The following MPP7 variants were observed in gnomAD, a reference collection of about 807,000 sequenced individuals.
MPP7 encodes MAGUK p55 subfamily member 7.
MPP7 carries 60 observed loss-of-function variants against 76.5 expected under a neutral mutation model. The observed-to-expected ratio is 0.78, with a 90% CI of 0.64 to 0.97. The LOEUF (loss-of-function observed/expected upper bound fraction) is 0.97. Ranked by LOEUF, MPP7 falls within the 50% of genes least tolerant of loss-of-function variation. MPP7 has a pLI of 0.00. For missense variants in MPP7, 641 were observed against 694.0 expected (o/e 0.92, Z 0.86); for synonymous variants, 237 against 244.5 (o/e 0.97, Z 0.29).
intron 2 of MPP7, among the ~76,000 whole-genome samples, chr10:28,225,805 C>A (rs1017225478): frequency 8.5e-5 from 13 of 152,186 alleles, no homozygotes; most frequent in Non-Finnish European, 1.5e-5. Context: ...GGAAACTACA[C>A]TCACAGGGAC....
chr10:28,279,446 C>T (rs185034495), intron 1 of MPP7, among the ~76,000 whole-genome samples: 3 of 152,034 alleles, frequency 2.0e-5, no homozygotes, highest in East Asian at 1.9e-4. Context: ...TTAAGAATTT[C>T]GGACAGGCGC....
intron 1 of MPP7, among the ~76,000 whole-genome samples, chr10:28,262,732 G>A (rs548061772): frequency 1.3e-5 from 2 of 152,246 alleles, no homozygotes; most frequent in East Asian, 3.9e-4. Flanking sequence ...ACTCTTACTT[G>A]AGTGGCTTGA....
intron 1 of MPP7, among the ~76,000 whole-genome samples, chr10:28,262,149 CAAA>C: frequency 9.2e-6 from 1 of 108,308 alleles, no homozygotes; most frequent in Admixed American, 1.0e-4. Flanking sequence ...GACTCTGTCT[CAAA>C]AAAAAGAAAA....
At chr10:28,193,993 T>C (rs187752781) in intron 3 of MPP7, among the ~76,000 whole-genome samples, 152 of 152,174 alleles carry the variant, frequency 1.0e-3, no homozygotes, top group Non-Finnish European at 1.5e-3. Context: ...AAAGACAATA[T>C]GGCAGCTTCT....
upstream of MPP7, among the ~76,000 whole-genome samples, chr10:28,307,881 G>A (rs1841267897): frequency 6.6e-6 from 1 of 152,170 alleles, no homozygotes; most frequent in African/African-American, 2.4e-5. Context: ...GCAAGTTCAT[G>A]CTTAACTGGT....
chr10:28,333,964 G>A (rs751746543), intron 1 of MPP7, among the ~76,000 whole-genome samples: 25 of 152,088 alleles, frequency 1.6e-4, no homozygotes, highest in Non-Finnish European at 3.4e-4. Flanking sequence ...AGGCCAAGGC[G>A]GGCGGATCAC....
chr10:28,111,608 TTAACA>T (rs79163064), intron 11 of MPP7, among the ~76,000 whole-genome samples: 550 of 152,318 alleles, frequency 3.6e-3, no homozygotes, highest in Admixed American at 6.4e-3. Flanking sequence ...AATTTTGTCC[TTAACA>T]TATCTAAATA....
intron 2 of MPP7, among the ~76,000 whole-genome samples, chr10:28,327,765 C>T (rs1017200327): frequency 6.6e-6 from 1 of 152,166 alleles, no homozygotes; most frequent in African/African-American, 2.4e-5. Flanking sequence ...CTGCTCAGCA[C>T]ACTAGCAGCT....
At chr10:28,068,104 A>G (rs974675859) in intron 13 of MPP7, among the ~76,000 whole-genome samples, 1 of 152,034 alleles carries the variant, frequency 6.6e-6, no homozygotes, top group Non-Finnish European at 1.5e-5. Context: ...GGTCTCTTCT[A>G]TAATTGCTCA....
intron 7 of MPP7, 76 bp downstream of exon 7, chr10:28,124,934 C>G: frequency 8.3e-7 from 1 of 1,202,372 alleles, no homozygotes; most frequent in Non-Finnish European, 1.2e-6. Context: ...GATGGTTATC[C>G]TCTTAGTTAT....
At chr10:28,158,897 A>T (rs1257177153) in intron 3 of MPP7, among the ~76,000 whole-genome samples, 4 of 152,142 alleles carry the variant, frequency 2.6e-5, no homozygotes, top group Admixed American at 2.6e-4. Context: ...CTGTCCCAAC[A>T]CAACAGAAGA....
chr10:28,063,950 C>T (rs1470522508), intron 13 of MPP7, among the ~76,000 whole-genome samples: 2 of 152,112 alleles, frequency 1.3e-5, no homozygotes, highest in Non-Finnish European at 2.9e-5. Flanking sequence ...CAAGTGTTGG[C>T]AAGGATGTGA....
intron 2 of MPP7, among the ~76,000 whole-genome samples, chr10:28,327,385 A>G (rs1353176097): frequency 1.3e-5 from 2 of 150,522 alleles, no homozygotes; most frequent in African/African-American, 5.0e-5. Flanking sequence ...GCAGCTGGAA[A>G]AAAAAAATTT....
At chr10:28,178,430 T>C (rs1836946899) in intron 3 of MPP7, among the ~76,000 whole-genome samples, 1 of 148,974 alleles carries the variant, frequency 6.7e-6, no homozygotes, top group Non-Finnish European at 1.5e-5. Flanking sequence ...CCCCACAGGA[T>C]AAACACCAAG....
intron 3 of MPP7, among the ~76,000 whole-genome samples, chr10:28,198,631 T>C (rs1837668859): frequency 1.3e-5 from 2 of 151,352 alleles, no homozygotes; most frequent in African/African-American, 4.8e-5. Context: ...AGCAAGTTTT[T>C]GTGCCATATC....
At chr10:28,131,497 G>A in intron 6 of MPP7, 63 bp downstream of exon 6, 1 of 1,425,470 alleles carries the variant, frequency 7.0e-7, no homozygotes, top group African/African-American at 1.4e-5. Context: ...AGTTATACAT[G>A]GTATGCACCA....
At chr10:28,099,856 T>C (rs11006866) in intron 11 of MPP7, among the ~76,000 whole-genome samples, 17,191 of 151,930 alleles carry the variant, frequency 0.11, 1,375 homozygotes, top group East Asian at 0.26. Flanking sequence ...TTTTAAGGAA[T>C]ACATTTGTTT....
At chr10:28,186,819 T>G (rs12251587) in intron 3 of MPP7, among the ~76,000 whole-genome samples, 4 of 152,058 alleles carry the variant, frequency 2.6e-5, no homozygotes, top group Non-Finnish European at 5.9e-5. Context: ...CCTACTGCAG[T>G]GGGAAACGCT....
At chr10:28,315,966 G>A (rs1358752145) in intron 2 of MPP7, among the ~76,000 whole-genome samples, 1 of 152,004 alleles carries the variant, frequency 6.6e-6, no homozygotes, top group African/African-American at 2.4e-5. Context: ...CCAATCAAGG[G>A]GCATTTTACA....
Sources: gnomAD v4.1 joint callset for allele counts (sites outside exome capture counted in the v4.1 genomes callset) on GRCh38, gnomAD v4.1.1 for gene constraint, MANE v1.5 for transcripts, NCBI Gene and HGNC (gene_info 2026-07-23, HGNC 2026-07-21) for gene names.